Variants in PSAP observed in about 807,000 individuals in gnomAD.
PSAP encodes the protein precursor of saposins.
In PSAP, 25 loss-of-function variants were observed where a neutral mutation model predicts 66.0. The observed-to-expected ratio is 0.38, with a 90% CI of 0.28 to 0.53. The LOEUF (loss-of-function observed/expected upper bound fraction) is 0.53, where lower values mean the gene tolerates loss of function less well. Among genes scored for constraint, PSAP ranks in the 20% least tolerant of loss-of-function variants. The probability of loss-of-function intolerance (pLI) is 0.83; values close to 1 mark genes in which losing one functional copy is unlikely to be tolerated. For synonymous variants in PSAP, 273 were observed against 258.9 expected, an observed-to-expected ratio of 1.05 and a Z score of -0.52; for missense variants, 649 against 668.8, an observed-to-expected ratio of 0.97 and a Z score of 0.33.
At chr10:71,835,047 T>C (rs1290961057) in intron 1 of PSAP, among the ~76,000 whole-genome samples, 3 of 151,440 alleles carry the variant, frequency 2.0e-5, no homozygotes, top group Non-Finnish European at 2.9e-5. Context: ...CCATCCTGGC[T>C]AACACAGTGA....
chr10:71,846,148 G>C (rs1842817974), intron 1 of PSAP, among the ~76,000 whole-genome samples: 1 of 152,072 alleles, frequency 6.6e-6, no homozygotes, highest in Admixed American at 6.5e-5. Context: ...AAGCTAAACA[G>C]CAACCCAGTG....
chr10:71,832,101 A>G (rs1842533097), intron 2 of PSAP, among the ~76,000 whole-genome samples, 181 bp from the exon 3 acceptor site: 1 of 152,128 alleles, frequency 6.6e-6, no homozygotes, highest in South Asian at 2.1e-4. Flanking sequence ...CAGGGAGGGA[A>G]GAGGTGTGAC....
intron 13 of PSAP, 48 bp from the exon 14 acceptor site, chr10:71,817,524 G>A (rs561318803): frequency 2.5e-5 from 40 of 1,584,786 alleles, no homozygotes; most frequent in East Asian, 1.3e-4. Context: ...GAAAAACTCC[G>A]TTCCCGGCCC....
intron 11 of PSAP, 130 bp from the exon 12 acceptor site, chr10:71,819,241 G>C: frequency 9.6e-7 from 1 of 1,043,998 alleles, no homozygotes; most frequent in Non-Finnish European, 1.5e-6. Context: ...ACTGGGTCCT[G>C]GGGCCTCCCT....
intron 5 of PSAP, among the ~76,000 whole-genome samples, chr10:71,828,631 C>T (rs551707638): frequency 7.4e-4 from 112 of 152,230 alleles, no homozygotes; most frequent in Non-Finnish European, 1.4e-3. Context: ...GGTGACAGAA[C>T]GAGACCCTGT....
chr10:71,843,755 C>A (rs1388180898), intron 1 of PSAP, among the ~76,000 whole-genome samples: 1 of 152,168 alleles, frequency 6.6e-6, no homozygotes, highest in Non-Finnish European at 1.5e-5. Context: ...GGCAATGTGG[C>A]ATACTGGGTT....
chr10:71,820,474 G>C, intron 8 of PSAP, 139 bp from the exon 9 acceptor site: 1 of 737,608 alleles, frequency 1.4e-6, no homozygotes, highest in East Asian at 2.6e-5. Flanking sequence ...TCCAAATGGC[G>C]TGTGGCTTCT....
At chr10:71,829,776 A>G (rs1842474699) in intron 4 of PSAP, among the ~76,000 whole-genome samples, 1 of 152,068 alleles carries the variant, frequency 6.6e-6, no homozygotes, top group Admixed American at 6.6e-5. Flanking sequence ...AGGCGGGCGG[A>G]TCGCCTGAGG....
intron 9 of PSAP, 143 bp from the exon 10 acceptor site, chr10:71,820,043 G>T: frequency 1.1e-6 from 1 of 925,896 alleles, no homozygotes; most frequent in South Asian, 1.4e-5. Context: ...CTACAAAGCA[G>T]GGCAATGGTG....
chr10:71,821,823 G>T, intron 8 of PSAP, 53 bp downstream of exon 8: 1 of 1,610,508 alleles, frequency 6.2e-7, no homozygotes, highest in Middle Eastern at 1.7e-4. Flanking sequence ...ACACAGCAGG[G>T]AGTAGTGTGG....
intron 1 of PSAP, among the ~76,000 whole-genome samples, chr10:71,849,329 T>A (rs1842881035): frequency 6.6e-6 from 1 of 152,254 alleles, no homozygotes. Flanking sequence ...AACTCATTTC[T>A]TCGGTTTTGC....
Position 71,820,452 on chromosome 10 carries a change from T to G in PSAP, c.910-117A>C, listed in dbSNP as rs1842277738. 1.7e-5 allele frequency: 14 copies of G among 803,448 alleles called. No individual in the cohort carries two copies. The South Asian group carries it at 1.8e-4, about 10-fold the overall frequency. The allele number at this position is 803,448 out of a possible 1,614,324, so 49.8% of individuals were successfully genotyped here. On this transcript the variant is annotated intron_variant, in intron 8 of 13. Transcript: ENST00000394936. ...GGTGGGTTAGCACATCAAGGGCCAC[T>G]GCCTCCTGAATTCCAAATGGCGTGT...
At chr10:71,836,243 G>A (rs536173386) in intron 1 of PSAP, among the ~76,000 whole-genome samples, 4 of 152,316 alleles carry the variant, frequency 2.6e-5, no homozygotes, top group African/African-American at 4.8e-5. Context: ...GGGAAAACAT[G>A]TGCCAGATGC....
At chr10:71,839,090 T>C (rs916693430) in intron 1 of PSAP, among the ~76,000 whole-genome samples, 2 of 152,178 alleles carry the variant, frequency 1.3e-5, no homozygotes, top group Non-Finnish European at 2.9e-5. Context: ...TCTGAGGCAG[T>C]ATGCTGAACT....
chr10:71,825,670 C>A, intron 7 of PSAP, 167 bp downstream of exon 7: 1 of 711,354 alleles, frequency 1.4e-6, no homozygotes, highest in South Asian at 1.5e-5. Flanking sequence ...AGGGGAGGTA[C>A]TGAGATTGCA....
chr10:71,822,090 C>T lies in PSAP; in HGVS notation c.778-83G>A, dbSNP rs148648436. On this transcript the variant is annotated intron_variant, in intron 7 of 13. Transcript: ENST00000394936. Reference sequence around the variant, plus strand: ...CCCAATCCAGCCAGAGGACAGGGAGCTGGACAGCACCCTGGGCCCAGGTCA... The same window carrying T: ...CCCAATCCAGCCAGAGGACAGGGAGTTGGACAGCACCCTGGGCCCAGGTCA... 1.4e-4 allele frequency: 224 copies of T among 1,598,474 alleles called. No homozygotes were observed. The East Asian group carries it at 4.9e-3, about 35-fold the overall frequency.
chr10:71,837,153 G>T (rs1443117141), intron 1 of PSAP, among the ~76,000 whole-genome samples: 2 of 152,204 alleles, frequency 1.3e-5, no homozygotes, highest in African/African-American at 4.8e-5. Context: ...CCAACTCCTA[G>T]AAAGTGCCTT....
chr10:71,849,592 G>A (rs1304123397), intron 1 of PSAP, among the ~76,000 whole-genome samples: 1 of 150,866 alleles, frequency 6.6e-6, no homozygotes, highest in African/African-American at 2.4e-5. Flanking sequence ...CAACAACAGC[G>A]AAACTCCGTC....
At chr10:71,834,301 G>C (rs549651744) in intron 2 of PSAP, 71 bp downstream of exon 2, 1 of 1,606,144 alleles carries the variant, frequency 6.2e-7, no homozygotes, top group South Asian at 1.1e-5. Flanking sequence ...CAATATGGCA[G>C]TGAGTTACAG....
Sources: gnomAD v4.1 joint callset for allele counts (sites outside exome capture counted in the v4.1 genomes callset) on GRCh38, gnomAD v4.1.1 for gene constraint, MANE v1.5 for transcripts, NCBI Gene and HGNC (gene_info 2026-07-23, HGNC 2026-07-21) for gene names.